Variants in NRG3 observed in about 807,000 individuals in gnomAD.
NRG3 encodes the protein neuregulin 3.
In NRG3, 31 loss-of-function variants were observed where a neutral mutation model predicts 66.9. That is an observed-to-expected ratio of 0.46 (90% CI 0.35 to 0.63). NRG3 has a LOEUF of 0.63. NRG3 is among the 20% of genes least tolerant of loss of function. The probability of loss-of-function intolerance (pLI) is 0.00; values close to 1 mark genes in which losing one functional copy is unlikely to be tolerated. For synonymous variants in NRG3, 393 were observed against 359.4 expected, an observed-to-expected ratio of 1.09 and a Z score of -1.06; for missense variants, 910 against 878.9, an observed-to-expected ratio of 1.04 and a Z score of -0.45.
chr10:82,825,088 T>C (rs1277763690), intron 3 of NRG3, among the ~76,000 whole-genome samples: 1 of 152,176 alleles, frequency 6.6e-6, no homozygotes, highest in African/African-American at 2.4e-5. Flanking sequence ...AGTTACATGA[T>C]TTACAAATAT....
chr10:82,182,175 A>T (rs980492286), intron 1 of NRG3, among the ~76,000 whole-genome samples: 2 of 150,178 alleles, frequency 1.3e-5, no homozygotes, highest in African/African-American at 4.9e-5. Flanking sequence ...GCAGCAGATA[A>T]TTGTATCTTT....
intron 3 of NRG3, among the ~76,000 whole-genome samples, chr10:82,775,944 T>C (rs1276134410): frequency 6.6e-6 from 1 of 152,182 alleles, no homozygotes; most frequent in Non-Finnish European, 1.5e-5. Context: ...TTAACCTTCA[T>C]AGTAGACACT....
intron 1 of NRG3, among the ~76,000 whole-genome samples, chr10:81,976,840 G>A (rs898729145): frequency 1.3e-5 from 2 of 152,080 alleles, no homozygotes; most frequent in Admixed American, 1.3e-4. Context: ...ATGCCTGTTT[G>A]TTTTTAATGA....
chr10:82,211,760 C>A (rs1350221991), intron 1 of NRG3, among the ~76,000 whole-genome samples: 2 of 152,020 alleles, frequency 1.3e-5, no homozygotes, highest in African/African-American at 4.8e-5. Context: ...TGTGTAGAGC[C>A]TTCCACATGA....
chr10:82,151,284 GAATT>G (rs1158437664), intron 1 of NRG3, among the ~76,000 whole-genome samples: 4 of 152,232 alleles, frequency 2.6e-5, no homozygotes, highest in Admixed American at 6.5e-5. Flanking sequence ...GCATGACTAA[GAATT>G]AATTTGGGAT....
intron 2 of NRG3, among the ~76,000 whole-genome samples, chr10:82,408,637 A>AT (rs1564889163): frequency 7.2e-5 from 8 of 111,190 alleles, no homozygotes; most frequent in Admixed American, 5.1e-4. Flanking sequence ...TATATATTAT[A>AT]TATATATATA....
intron 4 of NRG3, among the ~76,000 whole-genome samples, chr10:82,902,458 G>C (rs1438083781): frequency 6.6e-6 from 1 of 151,990 alleles, no homozygotes; most frequent in Non-Finnish European, 1.5e-5. Context: ...CTCAGTCAAG[G>C]GGTCTTTTTT....
In NRG3 at chr10:82,136,539, G is replaced by A. The variant is rs537112764; in HGVS notation, c.824-222200G>A. 3.3e-5 allele frequency among the ~76,000 whole-genome samples: 5 copies of A among 152,306 alleles called. No individual in the cohort carries two copies. The South Asian group carries it at 1.0e-3, about 32-fold the overall frequency. On this transcript the variant is annotated intron_variant, in intron 1 of 8. Coordinates refer to ENST00000372141, the MANE Select transcript of NRG3 (RefSeq NM_001010848.4). Reference sequence around the variant, plus strand: ...TTACTGCAGTTGAGCTGGTAGCAAAGCCACAATACAATGTTTTTTCTACTC... The same window carrying A: ...TTACTGCAGTTGAGCTGGTAGCAAAACCACAATACAATGTTTTTTCTACTC...
intron 1 of NRG3, among the ~76,000 whole-genome samples, chr10:82,235,271 A>G (rs2076699261): frequency 6.6e-6 from 1 of 152,210 alleles, no homozygotes; most frequent in African/African-American, 2.4e-5. Flanking sequence ...ATGGATATTG[A>G]TGGTGGAGTT....
intron 2 of NRG3, among the ~76,000 whole-genome samples, chr10:82,483,689 A>G (rs1300610883): frequency 6.6e-6 from 1 of 152,218 alleles, no homozygotes; most frequent in Non-Finnish European, 1.5e-5. Flanking sequence ...GAGATTTCCT[A>G]GAATCACAAC....
intron 2 of NRG3, among the ~76,000 whole-genome samples, chr10:82,577,458 A>G (rs909346087): frequency 6.6e-6 from 1 of 151,860 alleles, no homozygotes; most frequent in East Asian, 1.9e-4. Flanking sequence ...ACACAGTCAT[A>G]TATATCTAGC....
At chr10:82,978,900 T>A in intron 7 of NRG3, 50 bp from the exon 8 acceptor site, 1 of 1,583,042 alleles carries the variant, frequency 6.3e-7, no homozygotes, top group Non-Finnish European at 8.6e-7. Context: ...AGGTTATTGC[T>A]ATGATGTCTT....
intron 3 of NRG3, among the ~76,000 whole-genome samples, chr10:82,802,228 CAG>C (rs1437661742): frequency 6.6e-6 from 1 of 152,134 alleles, no homozygotes; most frequent in African/African-American, 2.4e-5. Flanking sequence ...TCATTCACGA[CAG>C]AGAGAGGAGG....
intron 2 of NRG3, among the ~76,000 whole-genome samples, chr10:82,420,354 T>C (rs117385486): frequency 0.028 from 4,276 of 152,286 alleles, 92 homozygotes; most frequent in South Asian, 0.048. Context: ...TTACAGAATA[T>C]ATAACTACAT....
intron 3 of NRG3, among the ~76,000 whole-genome samples, chr10:82,827,419 T>C (rs1342126964): frequency 6.6e-6 from 1 of 152,068 alleles, no homozygotes; most frequent in African/African-American, 2.4e-5. Context: ...CTAGGAAGGC[T>C]GATGAGCAGG....
chr10:82,785,533 G>A (rs1443535003), intron 3 of NRG3, among the ~76,000 whole-genome samples: 1 of 151,914 alleles, frequency 6.6e-6, no homozygotes, highest in Non-Finnish European at 1.5e-5. Context: ...TTAGGAATAG[G>A]GTATTGAAAA....
At chr10:82,946,225 A>C (rs1849003409) in intron 4 of NRG3, among the ~76,000 whole-genome samples, 1 of 151,438 alleles carries the variant, frequency 6.6e-6, no homozygotes, top group Non-Finnish European at 1.5e-5. Flanking sequence ...AAAAAAAAAA[A>C]AAAGTGGAGT....
intron 1 of NRG3, among the ~76,000 whole-genome samples, chr10:81,890,595 G>C (rs1437500094): frequency 3.9e-5 from 6 of 152,142 alleles, no homozygotes; most frequent in Non-Finnish European, 8.8e-5. Flanking sequence ...ACAACTCTCA[G>C]CTCCCTGGTA....
chr10:82,124,257 T>C (rs772595938), intron 1 of NRG3, among the ~76,000 whole-genome samples: 3 of 151,976 alleles, frequency 2.0e-5, no homozygotes, highest in Non-Finnish European at 4.4e-5. Context: ...CTACCATCTT[T>C]GGCAGGTAAC....
Sources: allele counts gnomAD v4.1 joint callset (sites outside exome capture counted in the v4.1 genomes callset), GRCh38; gene constraint gnomAD v4.1.1; transcripts MANE v1.5; gene names NCBI Gene and HGNC (gene_info 2026-07-23, HGNC 2026-07-21).